Variants in LMNTD1 observed in about 807,000 individuals in gnomAD.
LMNTD1 encodes the protein lamin tail domain-containing protein 1.
LMNTD1 carries 35 observed loss-of-function variants against 50.9 expected under a neutral mutation model. The observed-to-expected ratio is 0.69, with a 90% CI of 0.53 to 0.91. The LOEUF (loss-of-function observed/expected upper bound fraction) is 0.91. Ranked by LOEUF, LMNTD1 falls within the 40% of genes least tolerant of loss-of-function variation. LMNTD1 has a pLI of 0.00. For synonymous variants in LMNTD1, 153 were observed against 161.9 expected, an observed-to-expected ratio of 0.94 and a Z score of 0.42; for missense variants, 470 against 475.5, an observed-to-expected ratio of 0.99 and a Z score of 0.11.
rs143067198 is a variant in LMNTD1, at chr12:25,511,008, G to A, written c.1190-7208C>T. On this transcript the variant is annotated intron_variant, in intron 8 of 9. Transcript: ENST00000458174. ...AAACTCATTTGGTGGGGACCAGAGA[G>A]GGGTTCTTTGGAGATAGTGACATAT... Among the ~76,000 whole-genome samples the A allele has an allele frequency of 3.7e-3, 556 of 152,250 alleles. 4 individuals carry two copies. Among genetic ancestry groups the A allele is most frequent in the African/African-American group, 0.013 (541 of 41,548 alleles).
intron 2 of LMNTD1, among the ~76,000 whole-genome samples, chr12:25,552,310 C>G (rs1412398790): frequency 6.6e-6 from 1 of 151,912 alleles, no homozygotes; most frequent in Admixed American, 6.6e-5. Flanking sequence ...TGTAAATTGA[C>G]TTAACATATT....
intron 1 of LMNTD1, among the ~76,000 whole-genome samples, chr12:25,616,162 C>T (rs1363861107): frequency 1.3e-5 from 2 of 151,800 alleles, no homozygotes; most frequent in Non-Finnish European, 2.9e-5. Context: ...ATCAATAAAG[C>T]AGGGTAAGAG....
chr12:25,588,471 A>T (rs192338556), intron 1 of LMNTD1, among the ~76,000 whole-genome samples: 15 of 152,302 alleles, frequency 9.8e-5, no homozygotes, highest in Admixed American at 9.8e-4. Flanking sequence ...TATAATATTG[A>T]TGTAAAGAAG....
chr12:25,552,145 C>A (rs1271494226), intron 2 of LMNTD1, among the ~76,000 whole-genome samples: 1 of 151,944 alleles, frequency 6.6e-6, no homozygotes, highest in African/African-American at 2.4e-5. Flanking sequence ...ATTGGAAAAC[C>A]AATGGTAATG....
At chr12:25,589,116 C>T (rs11615319) in intron 1 of LMNTD1, among the ~76,000 whole-genome samples, 1,557 of 152,216 alleles carry the variant, frequency 0.01, 23 homozygotes, top group East Asian at 0.064. Flanking sequence ...GTCCAAGGTA[C>T]ATGTACAATG....
At chr12:25,601,264 GAAGTT>G (rs1945965187) in intron 1 of LMNTD1, among the ~76,000 whole-genome samples, 1 of 151,912 alleles carries the variant, frequency 6.6e-6, no homozygotes, top group Admixed American at 6.6e-5. Flanking sequence ...TTGATCTCAG[GAAGTT>G]AGAGAGTAGA....
intron 9 of LMNTD1, among the ~76,000 whole-genome samples, chr12:25,484,391 G>A (rs6487493): frequency 0.21 from 31,987 of 151,756 alleles, 4,026 homozygotes; most frequent in African/African-American, 0.31. Context: ...GAGCCACTGC[G>A]CCTGGCCCAG....
At chr12:25,630,932 T>C (rs10842589) in intron 1 of LMNTD1, among the ~76,000 whole-genome samples, 94,109 of 152,032 alleles carry the variant, frequency 0.62, 29,560 homozygotes, top group Non-Finnish European at 0.68. Context: ...TCTCGCCCAC[T>C]GGCCAGAAAC....
At chr12:25,628,107 CAAAAAAAAAAAAAAA>C (rs58780549) in intron 1 of LMNTD1, among the ~76,000 whole-genome samples, 2 of 52,450 alleles carry the variant, frequency 3.8e-5, no homozygotes, top group Admixed American at 3.4e-4. Flanking sequence ...AACTCCGTCT[CAAAAAAAAAAAAAAA>C]AAAAAAAAAA....
At chr12:25,636,775 A>G (rs1946845114) in intron 1 of LMNTD1, among the ~76,000 whole-genome samples, 1 of 152,224 alleles carries the variant, frequency 6.6e-6, no homozygotes, top group Non-Finnish European at 1.5e-5. Context: ...ACTGTGGTAT[A>G]TATATATATG....
chr12:25,568,655 C>T (rs142294438), intron 1 of LMNTD1, among the ~76,000 whole-genome samples: 4 of 152,348 alleles, frequency 2.6e-5, no homozygotes, highest in African/African-American at 9.6e-5. Flanking sequence ...AGCCCTGCAT[C>T]ACCTGGGGGT....
intron 1 of LMNTD1, among the ~76,000 whole-genome samples, chr12:25,583,732 C>A (rs1945406220): frequency 6.6e-6 from 1 of 152,138 alleles, no homozygotes; most frequent in South Asian, 2.1e-4. Flanking sequence ...GGAGAGGGAG[C>A]AGAGAGTGAT....
chr12:25,591,617 G>A (rs1945698509), intron 1 of LMNTD1, among the ~76,000 whole-genome samples: 2 of 152,178 alleles, frequency 1.3e-5, no homozygotes, highest in South Asian at 2.1e-4. Flanking sequence ...CACAGGCCTG[G>A]CTGGCCTTAC....
rs781742784 is a variant in LMNTD1 at position 25,519,586 on chromosome 12, T to TAAAAAAAAAAAAAAAAAAAAA, written c.1016+271_1016+272insTTTTTTTTTTTTTTTTTTTTT. On this transcript the variant is annotated intron_variant, in intron 7 of 9. Transcript: ENST00000458174. ...CTGGGTGACAGAGCGAGACTCTGTC[T>TAAAAAAAAAAAAAAAAAAAAA]CAAAAAAAAAAAAAAAAAAAAAGTG... 3.7e-3 allele frequency among the ~76,000 whole-genome samples: 277 copies of TAAAAAAAAAAAAAAAAAAAAA among 74,872 alleles called. 58 individuals carry two copies. The highest frequency in any genetic ancestry group is 5.5e-3 in the East Asian group (11 of 1,988). The allele number at this position is 74,872 out of a possible 152,430, so 49.1% of individuals were successfully genotyped here.
chr12:25,488,242 C>T lies in LMNTD1; in HGVS notation c.*23-11782G>A, dbSNP rs1023466138. 7.4e-4 allele frequency among the ~76,000 whole-genome samples: 97 copies of T among 130,728 alleles called. 8 individuals are homozygous for T. The highest frequency in any genetic ancestry group is 1.4e-3 in the Non-Finnish European group (85 of 58,796). The allele number at this position is 130,728 out of a possible 152,430, so 85.8% of individuals were successfully genotyped here. ...CTGCAGAGTGTTTTCCACCTTGGTTCCATTCTCCCCATCACTTTCAGGTAC... is the reference window on the plus strand; with the variant it reads ...CTGCAGAGTGTTTTCCACCTTGGTTTCATTCTCCCCATCACTTTCAGGTAC... On this transcript the variant is annotated intron_variant, in intron 9 of 9. Transcript: ENST00000458174.
At chr12:25,610,249 T>C (rs1946211428) in intron 1 of LMNTD1, among the ~76,000 whole-genome samples, 1 of 152,296 alleles carries the variant, frequency 6.6e-6, no homozygotes. Context: ...CTGTCATGGC[T>C]TCCCTTGGCT....
chr12:25,554,284 A>G (rs1943940377), upstream of LMNTD1, among the ~76,000 whole-genome samples: 1 of 152,218 alleles, frequency 6.6e-6, no homozygotes, highest in South Asian at 2.1e-4. Context: ...CTAGCTGTTA[A>G]AAATTTCTCT....
rs552074035 is a variant in LMNTD1 at position 25,605,510 on chromosome 12, A to G, written c.58+42984T>C. Among the ~76,000 whole-genome samples, 37 of 152,204 alleles carry G rather than the reference A, an allele frequency of 2.4e-4. No homozygotes were observed. In the South Asian group the frequency reaches 6.2e-3, roughly 26 times the overall value. On this transcript the variant is annotated intron_variant, in intron 1 of 7. Transcript: ENST00000445693. Reference sequence around the variant, plus strand: ...GTAAGTCTTTAATCTATCTTGAATTAATTTTTGTATAAGGTGTAAGGAAGG... The same window carrying G: ...GTAAGTCTTTAATCTATCTTGAATTGATTTTTGTATAAGGTGTAAGGAAGG...
chr12:25,604,780 C>G (rs1946058719), intron 1 of LMNTD1, among the ~76,000 whole-genome samples: 1 of 152,142 alleles, frequency 6.6e-6, no homozygotes, highest in South Asian at 2.1e-4. Context: ...CAAGTCTTTG[C>G]TATTGTGAAC....
Sources: gnomAD v4.1 joint callset for allele counts (sites outside exome capture counted in the v4.1 genomes callset) on GRCh38, gnomAD v4.1.1 for gene constraint, MANE v1.5 for transcripts, NCBI Gene and HGNC (gene_info 2026-07-23, HGNC 2026-07-21) for gene names.